Variants in LRRTM4 observed in about 807,000 individuals in gnomAD.
The protein encoded by LRRTM4 is leucine-rich repeat transmembrane neuronal protein 4.
Under a neutral mutation model 47.6 loss-of-function variants are expected in LRRTM4, and 25 were observed. The observed-to-expected ratio is 0.53, with a 90% confidence interval of 0.38 to 0.73. LRRTM4 has a LOEUF of 0.73. Among genes scored for constraint, LRRTM4 ranks in the 30% least tolerant of loss-of-function variants. LRRTM4 has a pLI of 0.00. For synonymous variants in LRRTM4, 311 were observed against 269.5 expected, an observed-to-expected ratio of 1.15 and a Z score of -1.51; for missense variants, 638 against 713.4, an observed-to-expected ratio of 0.89 and a Z score of 1.20.
At chr2:77,457,350 C>T (rs1676602540) in intron 3 of LRRTM4, among the ~76,000 whole-genome samples, 2 of 151,778 alleles carry the variant, frequency 1.3e-5, no homozygotes, top group Non-Finnish European at 2.9e-5. Flanking sequence ...TTGCCTTCAT[C>T]TCCAAATAGG....
intron 3 of LRRTM4, among the ~76,000 whole-genome samples, chr2:76,975,199 A>T (rs1676376747): frequency 6.6e-6 from 1 of 151,686 alleles, no homozygotes; most frequent in African/African-American, 2.4e-5. Context: ...TTGCTAACTG[A>T]GTTTCTTTTT....
chr2:77,397,831 C>A lies in LRRTM4; in HGVS notation c.1551+120487G>T, dbSNP rs138402704. Among the ~76,000 whole-genome samples, 132 of 151,972 alleles carry A rather than the reference C, an allele frequency of 8.7e-4. 1 individual carries two copies. Among genetic ancestry groups the A allele is most frequent in the African/African-American group, 3.0e-3 (124 of 41,514 alleles). On this transcript the variant is annotated intron_variant, in intron 3 of 3. Coordinates refer to ENST00000409884, the MANE Select transcript of LRRTM4 (RefSeq NM_001134745.3). ...ACCCCTTGATAATAGGGAGACTCTG[C>A]ACCAAGTGTATACGATTCCATTGGT...
intron 3 of LRRTM4, among the ~76,000 whole-genome samples, chr2:77,053,993 T>C (rs2103780457): frequency 1.3e-5 from 2 of 152,202 alleles, no homozygotes; most frequent in South Asian, 2.1e-4. Context: ...AAGCTTTCAG[T>C]GAAAAGTATT....
intron 3 of LRRTM4, among the ~76,000 whole-genome samples, chr2:77,047,011 C>T (rs1679257645): frequency 6.6e-6 from 1 of 152,022 alleles, no homozygotes; most frequent in Non-Finnish European, 1.5e-5. Flanking sequence ...AATAAAGATA[C>T]ATTCTGCTAT....
chr2:77,213,554 C>A (rs961406309), intron 3 of LRRTM4, among the ~76,000 whole-genome samples: 16 of 152,164 alleles, frequency 1.1e-4, no homozygotes, highest in African/African-American at 3.4e-4. Flanking sequence ...TGTTAGCTAC[C>A]ATCATTATAC....
chr2:76,943,155 G>A (rs558404021), intron 3 of LRRTM4, among the ~76,000 whole-genome samples: 1 of 152,144 alleles, frequency 6.6e-6, no homozygotes, highest in Non-Finnish European at 1.5e-5. Context: ...AATCCCTGGA[G>A]CCTGAAATCT....
chr2:76,977,418 T>C (rs947069319), intron 3 of LRRTM4, among the ~76,000 whole-genome samples: 1 of 151,994 alleles, frequency 6.6e-6, no homozygotes, highest in East Asian at 1.9e-4. Flanking sequence ...ATACACAGCA[T>C]GAAAACATTT....
intron 3 of LRRTM4, among the ~76,000 whole-genome samples, chr2:77,014,126 TC>T (rs1363120917): frequency 2.0e-5 from 3 of 152,004 alleles, no homozygotes; most frequent in Non-Finnish European, 4.4e-5. Flanking sequence ...TTTTGTTTGA[TC>T]CCCCTACAGG....
At chr2:77,463,582 A>G (rs1248242871) in intron 3 of LRRTM4, among the ~76,000 whole-genome samples, 1 of 152,094 alleles carries the variant, frequency 6.6e-6, no homozygotes, top group Non-Finnish European at 1.5e-5. Flanking sequence ...CCCACTAGAG[A>G]ATAGCAACCA....
At chr2:77,311,251 T>C (rs919828928) in intron 3 of LRRTM4, among the ~76,000 whole-genome samples, 11 of 152,180 alleles carry the variant, frequency 7.2e-5, no homozygotes, top group Non-Finnish European at 1.5e-4. Context: ...CTACCTCATT[T>C]GAGGGTACTG....
At chr2:77,288,676 A>T (rs896102208) in intron 3 of LRRTM4, among the ~76,000 whole-genome samples, 1 of 152,210 alleles carries the variant, frequency 6.6e-6, no homozygotes, top group East Asian at 1.9e-4. Context: ...TCTGTCTTCA[A>T]ATTTTTACAG....
intron 3 of LRRTM4, among the ~76,000 whole-genome samples, chr2:76,849,168 T>G (rs1671920735): frequency 6.6e-6 from 1 of 152,036 alleles, no homozygotes; most frequent in Non-Finnish European, 1.5e-5. Context: ...TGCTGTGCTT[T>G]GAGAGTAATG....
At chr2:77,349,009 T>A (rs1048458749) in intron 3 of LRRTM4, among the ~76,000 whole-genome samples, 1 of 151,922 alleles carries the variant, frequency 6.6e-6, no homozygotes, top group African/African-American at 2.4e-5. Context: ...AAATGTCAAA[T>A]CACTAAAAGC....
At chr2:76,829,200 C>T (rs1671266762) in intron 3 of LRRTM4, among the ~76,000 whole-genome samples, 1 of 151,898 alleles carries the variant, frequency 6.6e-6, no homozygotes, top group African/African-American at 2.4e-5. Context: ...TAAGACATAA[C>T]CCAAGAGCAA....
chr2:76,960,655 T>A (rs1351086582), intron 3 of LRRTM4, among the ~76,000 whole-genome samples: 1 of 90,414 alleles, frequency 1.1e-5, no homozygotes, highest in Admixed American at 9.0e-5. Flanking sequence ...TTCCTGAAGA[T>A]TAAGATGGTA....
intron 3 of LRRTM4, chr2:77,517,712 A>T: frequency 1.0e-6 from 1 of 984,254 alleles, no homozygotes; most frequent in South Asian, 4.7e-5. Context: ...AAAAAAAGAA[A>T]GAAGCCTTAG....
rs367583554 is a variant in LRRTM4, at chr2:77,103,647, G to GTATATATATATATATATATA, written c.1552-354732_1552-354731insTATATATATATATATATATA. On this transcript the variant is annotated intron_variant, in intron 3 of 3. Coordinates refer to ENST00000409884, the MANE Select transcript of LRRTM4 (RefSeq NM_001134745.3). ...TCAGGAGAGTGTTATATACATGAGTGTATATATATATATATAGATATATAT... is the reference window on the plus strand; with the variant it reads ...TCAGGAGAGTGTTATATACATGAGTGTATATATATATATATATATATATATATATATATATAGATATATAT... Among the ~76,000 whole-genome samples the GTATATATATATATATATATA allele has an allele frequency of 1.7e-3, 205 of 123,976 alleles. 1 individual carries two copies. Among genetic ancestry groups the GTATATATATATATATATATA allele is most frequent in the African/African-American group, 6.2e-3 (185 of 29,844 alleles). 81.3% of individuals were successfully genotyped at this position (123,976 alleles called of 152,430 possible). A position where few individuals can be genotyped will look rare whatever the true frequency, so the allele number is the denominator to read the frequency against.
At chr2:76,749,332 C>G (rs1468982967) in intron 3 of LRRTM4, among the ~76,000 whole-genome samples, 2 of 151,922 alleles carry the variant, frequency 1.3e-5, no homozygotes, top group Non-Finnish European at 2.9e-5. Context: ...AATTAAGGTG[C>G]AAAAGAATGT....
At chr2:77,410,604 T>G (rs901561493) in intron 3 of LRRTM4, among the ~76,000 whole-genome samples, 1 of 152,152 alleles carries the variant, frequency 6.6e-6, no homozygotes, top group Non-Finnish European at 1.5e-5. Context: ...GCATACTGAT[T>G]GAGAAGGCAG....
Sources: allele counts gnomAD v4.1 joint callset (sites outside exome capture counted in the v4.1 genomes callset), GRCh38; gene constraint gnomAD v4.1.1; transcripts MANE v1.5; gene names NCBI Gene and HGNC (gene_info 2026-07-23, HGNC 2026-07-21).